Variants in COL25A1 observed in about 807,000 individuals in gnomAD.
The protein encoded by COL25A1 is collagen alpha-1(XXV) chain.
Under a neutral mutation model 128.4 loss-of-function variants are expected in COL25A1, and 103 were observed. The observed-to-expected ratio is 0.80, with a 90% CI of 0.68 to 0.94. The LOEUF is 0.94. Ranked by LOEUF, COL25A1 falls within the 40% of genes least tolerant of loss-of-function variation. COL25A1 has a pLI of 0.00. For missense variants in COL25A1, 745 were observed against 840.0 expected (o/e 0.89, Z 1.40); for synonymous variants, 279 against 277.2 (o/e 1.01, Z -0.06).
chr4:109,140,050 A>T (rs1770242567), intron 3 of COL25A1, among the ~76,000 whole-genome samples: 1 of 152,092 alleles, frequency 6.6e-6, no homozygotes, highest in Admixed American at 6.6e-5. Context: ...TATGTGCCAC[A>T]TTTTCTTAAT....
At chr4:109,139,821 C>T (rs952056552) in intron 3 of COL25A1, among the ~76,000 whole-genome samples, 1 of 151,798 alleles carries the variant, frequency 6.6e-6, no homozygotes, top group Admixed American at 6.6e-5. Flanking sequence ...TATCCCACCC[C>T]CTCCCCCCGA....
intron 3 of COL25A1, among the ~76,000 whole-genome samples, chr4:109,115,992 G>A (rs537507390): frequency 9.2e-5 from 14 of 152,020 alleles, no homozygotes; most frequent in East Asian, 1.9e-4. Context: ...GACAAATCAC[G>A]GCTCCAAAAA....
At chr4:109,031,391 C>T (rs1758846707) in intron 5 of COL25A1, among the ~76,000 whole-genome samples, 1 of 152,148 alleles carries the variant, frequency 6.6e-6, no homozygotes, top group Non-Finnish European at 1.5e-5. Flanking sequence ...GCTAGGATTA[C>T]AGGCGTGAGC....
chr4:109,176,118 G>A (rs1774073435), intron 3 of COL25A1, among the ~76,000 whole-genome samples: 1 of 152,146 alleles, frequency 6.6e-6, no homozygotes, highest in African/African-American at 2.4e-5. Context: ...CTGTCCTCAA[G>A]GAGCTCACAT....
chr4:109,190,969 A>G (rs897591836), intron 3 of COL25A1, among the ~76,000 whole-genome samples: 1 of 152,154 alleles, frequency 6.6e-6, no homozygotes, highest in African/African-American at 2.4e-5. Context: ...GAGGTCTGAA[A>G]TTATTTTAGA....
At chr4:108,990,200 A>T in intron 6 of COL25A1, among the ~76,000 whole-genome samples, 1 of 127,374 alleles carries the variant, frequency 7.9e-6, no homozygotes, top group East Asian at 2.2e-4. Flanking sequence ...CAACAAGAGC[A>T]AAACTCCATC....
intron 3 of COL25A1, among the ~76,000 whole-genome samples, chr4:109,233,694 T>C (rs181436081): frequency 6.6e-6 from 1 of 152,242 alleles, no homozygotes; most frequent in East Asian, 1.9e-4. Context: ...ACAAAGATAT[T>C]GTGAAGAATG....
chr4:108,896,018 T>G (rs1418589593), intron 16 of COL25A1, among the ~76,000 whole-genome samples: 2 of 137,100 alleles, frequency 1.5e-5, no homozygotes, highest in African/African-American at 5.3e-5. Flanking sequence ...CGATCTCCGC[T>G]CACTGCAAGC....
At chr4:109,182,826 A>G (rs1004432796) in intron 3 of COL25A1, among the ~76,000 whole-genome samples, 1 of 152,078 alleles carries the variant, frequency 6.6e-6, no homozygotes, top group Non-Finnish European at 1.5e-5. Flanking sequence ...TGTTAGGATA[A>G]ATTACACTTG....
chr4:109,055,407 G>A (rs1761366918), intron 3 of COL25A1, among the ~76,000 whole-genome samples: 1 of 152,094 alleles, frequency 6.6e-6, no homozygotes, highest in African/African-American at 2.4e-5. Flanking sequence ...TCACGTTTCT[G>A]CAAATGTAAA....
At chr4:108,870,243 A>G (rs1447488824) in intron 19 of COL25A1, among the ~76,000 whole-genome samples, 2 of 152,148 alleles carry the variant, frequency 1.3e-5, no homozygotes, top group African/African-American at 2.4e-5. Context: ...TTGACAGAGC[A>G]AGACCCTGTC....
chr4:109,058,944 G>GA (rs1761692561), intron 3 of COL25A1, among the ~76,000 whole-genome samples: 1 of 152,194 alleles, frequency 6.6e-6, no homozygotes, highest in African/African-American at 2.4e-5. Context: ...AGTAAGAGTA[G>GA]GAGTAGTTCA....
At chr4:108,864,989 C>G (rs768631728) in intron 20 of COL25A1, among the ~76,000 whole-genome samples, 20 of 152,190 alleles carry the variant, frequency 1.3e-4, no homozygotes, top group Non-Finnish European at 2.2e-4. Context: ...AAATCTTTTG[C>G]ACATCGTTGA....
At chr4:109,066,070 A>C (rs1762422940) in intron 3 of COL25A1, among the ~76,000 whole-genome samples, 1 of 152,166 alleles carries the variant, frequency 6.6e-6, no homozygotes, top group Non-Finnish European at 1.5e-5. Context: ...AAGCTTAGTG[A>C]CAGCTGCAGA....
intron 6 of COL25A1, among the ~76,000 whole-genome samples, chr4:109,000,758 AAAAAAAAAAAG>A (rs1174902872): frequency 2.1e-5 from 3 of 143,546 alleles, no homozygotes; most frequent in Non-Finnish European, 4.6e-5. Context: ...AAAAAAAAAA[AAAAAAAAAAAG>A]AAAAAACTAT....
chr4:109,288,857 A>G (rs1724147499), intron 3 of COL25A1, among the ~76,000 whole-genome samples: 1 of 152,042 alleles, frequency 6.6e-6, no homozygotes, highest in African/African-American at 2.4e-5. Context: ...AACTAATTTT[A>G]ACAGAAATGA....
At chr4:109,130,997 A>C (rs1393009639) in intron 3 of COL25A1, among the ~76,000 whole-genome samples, 1 of 152,212 alleles carries the variant, frequency 6.6e-6, no homozygotes, top group African/African-American at 2.4e-5. Flanking sequence ...ATCATTACTT[A>C]ATATCTCAAG....
chr4:109,173,626 A>G (rs987222634), intron 3 of COL25A1, among the ~76,000 whole-genome samples: 21 of 152,302 alleles, frequency 1.4e-4, no homozygotes, highest in African/African-American at 4.6e-4. Flanking sequence ...ACTGGCAATA[A>G]TACTAGTGTA....
intron 3 of COL25A1, among the ~76,000 whole-genome samples, chr4:109,089,458 C>CTGTACT (rs1764709598): frequency 6.6e-6 from 1 of 152,132 alleles, no homozygotes; most frequent in Non-Finnish European, 1.5e-5. Flanking sequence ...TATATAAAAC[C>CTGTACT]TGTACTCATT....
Sources: allele counts gnomAD v4.1 joint callset (sites outside exome capture counted in the v4.1 genomes callset), GRCh38; gene constraint gnomAD v4.1.1; transcripts MANE v1.5; gene names NCBI Gene and HGNC (gene_info 2026-07-23, HGNC 2026-07-21).